The following TP63 variants were observed in gnomAD, a reference collection of about 807,000 sequenced individuals.
The protein encoded by TP63 is tumor protein p63.
A neutral mutation model predicts 82.8 loss-of-function variants in TP63; 17 were observed. The observed-to-expected ratio is 0.21, with a 90% CI of 0.14 to 0.31. TP63 has a LOEUF of 0.31. TP63 is among the 10% of genes least tolerant of loss of function. TP63 has a pLI of 1.00. For missense variants in TP63, 648 were observed against 895.3 expected (o/e 0.72, Z 3.52); for synonymous variants, 330 against 321.7 (o/e 1.03, Z -0.28).
At chr3:189,705,430 ATTCTTATTCATTTCT>A (rs1007869105) in intron 1 of TP63, among the ~76,000 whole-genome samples, 3 of 151,594 alleles carry the variant, frequency 2.0e-5, no homozygotes, top group Non-Finnish European at 2.9e-5. Context: ...TTCTTTTTTC[ATTCTTATTCATTTCT>A]TTCTTTTCTT....
intron 1 of TP63, among the ~76,000 whole-genome samples, chr3:189,716,682 C>G (rs1718984162): frequency 6.6e-6 from 1 of 152,132 alleles, no homozygotes; most frequent in Non-Finnish European, 1.5e-5. Context: ...CAAACAGTTC[C>G]TCAGTTGCAT....
intron 1 of TP63, among the ~76,000 whole-genome samples, chr3:189,712,638 T>C (rs549715066): frequency 6.6e-6 from 1 of 152,230 alleles, no homozygotes; most frequent in East Asian, 1.9e-4. Context: ...CCCCACCTCT[T>C]ACTATCATTA....
At chr3:189,631,964 A>C (rs192822633) in intron 1 of TP63, among the ~76,000 whole-genome samples, 48 of 152,290 alleles carry the variant, frequency 3.2e-4, no homozygotes, top group African/African-American at 9.1e-4. Flanking sequence ...TGATTTATAC[A>C]TTAAGAAATA....
chr3:189,748,108 A>G (rs187851389), intron 3 of TP63, among the ~76,000 whole-genome samples: 86 of 152,222 alleles, frequency 5.6e-4, no homozygotes, highest in African/African-American at 1.9e-3. Context: ...AATGGGGAGA[A>G]GCTAAAAGCC....
intron 1 of TP63, among the ~76,000 whole-genome samples, chr3:189,729,129 G>T (rs74918774): frequency 0.016 from 2,367 of 152,266 alleles, 79 homozygotes; most frequent in African/African-American, 0.053. Context: ...TAATGAAAAA[G>T]GCAAGAGGTT....
intron 9 of TP63, among the ~76,000 whole-genome samples, chr3:189,870,828 G>T (rs1310501377): frequency 6.6e-6 from 1 of 152,074 alleles, no homozygotes; most frequent in Non-Finnish European, 1.5e-5. Flanking sequence ...AGCCAAGCAG[G>T]GCCAGGAGAT....
At chr3:189,793,883 G>C (rs1204977035) in intron 3 of TP63, among the ~76,000 whole-genome samples, 1 of 152,028 alleles carries the variant, frequency 6.6e-6, no homozygotes, top group Non-Finnish European at 1.5e-5. Context: ...GACTAATATA[G>C]CATTATTGTC....
At chr3:189,761,841 A>G (rs888132108) in intron 3 of TP63, among the ~76,000 whole-genome samples, 22 of 152,218 alleles carry the variant, frequency 1.4e-4, no homozygotes, top group Admixed American at 7.2e-4. Context: ...GGCTGAAGGC[A>G]AGGAGGAGCA....
At chr3:189,807,899 C>A (rs1254886113) in intron 3 of TP63, among the ~76,000 whole-genome samples, 1 of 152,176 alleles carries the variant, frequency 6.6e-6, no homozygotes, top group East Asian at 1.9e-4. Flanking sequence ...GCCCCAACCC[C>A]CACCAACAAC....
intron 1 of TP63, among the ~76,000 whole-genome samples, chr3:189,678,805 T>C (rs1046595229): frequency 6.6e-5 from 10 of 152,080 alleles, no homozygotes. Context: ...GTAGTTTTCC[T>C]TGTAGAGACC....
At chr3:189,645,492 T>C (rs1712340084) in intron 1 of TP63, 1 of 206,366 alleles carries the variant, frequency 4.8e-6, no homozygotes, top group African/African-American at 2.3e-5. Flanking sequence ...TTTTATTGTG[T>C]TTTTTAATTT....
At position 189,722,208 on chromosome 3, in the gene TP63, C is replaced by T. The variant is rs551820581; in HGVS notation, c.63-15532C>T. Among the ~76,000 whole-genome samples the T allele has an allele frequency of 4.6e-5, 7 of 152,258 alleles. No individual in the cohort carries two copies. In the East Asian group the frequency reaches 7.7e-4, roughly 17 times the overall value. On this transcript the variant is annotated intron_variant, in intron 1 of 13. Transcript: ENST00000264731. ...AGACAGCAGGGCTTGGAAAGAATTC[C>T]GTGAAGACGCTGATCTACCCTCTCT...
intron 1 of TP63, among the ~76,000 whole-genome samples, chr3:189,699,390 A>T (rs988429914): frequency 9.2e-5 from 14 of 152,162 alleles, no homozygotes; most frequent in Non-Finnish European, 1.8e-4. Context: ...TATTTTATTC[A>T]CTTGTCCCAT....
intron 1 of TP63, among the ~76,000 whole-genome samples, chr3:189,728,850 A>C (rs1022875224): frequency 1.3e-5 from 2 of 152,168 alleles, no homozygotes; most frequent in African/African-American, 2.4e-5. Flanking sequence ...TGATCCAATT[A>C]CTTCCTCCTG....
intron 10 of TP63, chr3:189,880,177 A>G (rs1719756024): frequency 2.5e-6 from 4 of 1,612,190 alleles, no homozygotes; most frequent in Non-Finnish European, 3.4e-6. Flanking sequence ...GTGTACCCAT[A>G]GAGCCCTATC....
At chr3:189,671,076 C>G (rs4011816) in intron 1 of TP63, among the ~76,000 whole-genome samples, 51,491 of 151,818 alleles carry the variant, frequency 0.34, 9,089 homozygotes, top group Non-Finnish European at 0.38. Context: ...AGGAAACGAT[C>G]AGCAGAGTGA....
At chr3:189,730,849 T>C (rs1455341123) in intron 1 of TP63, among the ~76,000 whole-genome samples, 1 of 152,232 alleles carries the variant, frequency 6.6e-6, no homozygotes, top group African/African-American at 2.4e-5. Context: ...TCTGCATCAC[T>C]ACTAAGTGCT....
rs1002578954 is a variant in TP63 at position 189,868,868 on chromosome 3, A to T, written c.1129+152A>T. On this transcript the variant is annotated intron_variant, in intron 8 of 13. Coordinates refer to ENST00000264731, the MANE Select transcript of TP63 (RefSeq NM_003722.5). Reference sequence around the variant, plus strand: ...CAGAGCCAGTGAGAATAGGTATAGCATTGAAGTGGACTCCAGGCATGTACT... The same window carrying T: ...CAGAGCCAGTGAGAATAGGTATAGCTTTGAAGTGGACTCCAGGCATGTACT... 3.4e-5 allele frequency: 41 copies of T among 1,209,984 alleles called. No individual in the cohort carries two copies. The African/African-American group carries it at 6.1e-4, about 18-fold the overall frequency. The allele number at this position is 1,209,984 out of a possible 1,614,324, so 75.0% of individuals were successfully genotyped here. A position where few individuals can be genotyped will look rare whatever the true frequency, so the allele number is the denominator to read the frequency against.
At chr3:189,788,084 GTT>G (rs35421829) in intron 3 of TP63, among the ~76,000 whole-genome samples, 3 of 145,298 alleles carry the variant, frequency 2.1e-5, no homozygotes, top group Admixed American at 6.9e-5. Context: ...TTGTAAGTAG[GTT>G]TTTTTTTTTT....
Sources: gnomAD v4.1 joint callset for allele counts (sites outside exome capture counted in the v4.1 genomes callset) on GRCh38, gnomAD v4.1.1 for gene constraint, MANE v1.5 for transcripts, NCBI Gene and HGNC (gene_info 2026-07-23, HGNC 2026-07-21) for gene names.